The following MYBL2 variants were observed in gnomAD, a reference collection of about 807,000 sequenced individuals.
MYBL2 encodes the protein MYB proto-oncogene like 2.
In MYBL2, 28 loss-of-function variants were observed where a neutral mutation model predicts 79.9. The observed-to-expected ratio is 0.35, with a 90% confidence interval of 0.26 to 0.48. The LOEUF (loss-of-function observed/expected upper bound fraction) is 0.48. Among genes scored for constraint, MYBL2 ranks in the 20% least tolerant of loss-of-function variants. MYBL2 has a pLI of 0.99. For missense variants in MYBL2, 735 were observed against 893.9 expected, an observed-to-expected ratio of 0.82 and a Z score of 2.27; for synonymous variants, 378 against 361.2, an observed-to-expected ratio of 1.05 and a Z score of -0.53.
chr20:43,667,955 G>GGA (rs1384610261), intron 1 of MYBL2, among the ~76,000 whole-genome samples: 6 of 152,160 alleles, frequency 3.9e-5, no homozygotes, highest in African/African-American at 1.2e-4. Flanking sequence ...AAGGTGCGGG[G>GGA]GAGAGAGAGA....
chr20:43,677,357 G>A (rs1987036857), intron 2 of MYBL2, among the ~76,000 whole-genome samples: 1 of 152,230 alleles, frequency 6.6e-6, no homozygotes, highest in Non-Finnish European at 1.5e-5. Context: ...ATTGTAAGAT[G>A]AGTGGATGGC....
intron 6 of MYBL2, among the ~76,000 whole-genome samples, chr20:43,696,699 A>G (rs1987550609): frequency 6.6e-6 from 1 of 152,274 alleles, no homozygotes. Context: ...ATCATTGTTC[A>G]GTTTCTTTGT....
chr20:43,688,851 A>C (rs185922272), intron 5 of MYBL2, among the ~76,000 whole-genome samples: 329 of 151,906 alleles, frequency 2.2e-3, no homozygotes, highest in African/African-American at 7.6e-3. Context: ...GTGTAGTGGC[A>C]TGATCTCGGC....
intron 11 of MYBL2, among the ~76,000 whole-genome samples, chr20:43,712,361 G>C (rs1382687772): frequency 6.6e-6 from 1 of 152,188 alleles, no homozygotes; most frequent in African/African-American, 2.4e-5. Flanking sequence ...GCCCGAGCTG[G>C]CACCCCATGT....
At chr20:43,695,074 C>T (rs2145723346) in intron 6 of MYBL2, among the ~76,000 whole-genome samples, 1 of 148,978 alleles carries the variant, frequency 6.7e-6, no homozygotes, top group Non-Finnish European at 1.5e-5. Flanking sequence ...CTTGCTCTTG[C>T]CCAGGCTGGA....
intron 8 of MYBL2, among the ~76,000 whole-genome samples, chr20:43,704,176 G>T (rs1303779657): frequency 1.3e-5 from 2 of 152,026 alleles, no homozygotes; most frequent in African/African-American, 4.8e-5. Flanking sequence ...ACCATGCCCG[G>T]CTATTTTTTT....
At chr20:43,711,956 T>C (rs1987917408) in intron 11 of MYBL2, among the ~76,000 whole-genome samples, 1 of 152,120 alleles carries the variant, frequency 6.6e-6, no homozygotes, top group African/African-American at 2.4e-5. Flanking sequence ...AGACACACCA[T>C]GACTGAATTC....
At chr20:43,696,808 C>T (rs1464836819) in intron 6 of MYBL2, among the ~76,000 whole-genome samples, 1 of 152,296 alleles carries the variant, frequency 6.6e-6, no homozygotes, top group Non-Finnish European at 1.5e-5. Context: ...CTCACTGCAA[C>T]CTCCGCCTCC....
intron 8 of MYBL2, among the ~76,000 whole-genome samples, chr20:43,703,857 T>G (rs976806817): frequency 2.6e-5 from 4 of 152,144 alleles, no homozygotes; most frequent in African/African-American, 7.2e-5. Context: ...CAGTGTTGGT[T>G]TCTACTGAGG....
chr20:43,701,719 G>A lies in MYBL2; in HGVS notation c.952-771G>A, dbSNP rs570909458. ...CATCCCATTCACTGCTCTATATTTC[G>A]TTCTATAAAAATATCTGCAGGCTGG... On this transcript the variant is annotated intron_variant, in intron 7 of 13. Transcript: ENST00000217026. Among the ~76,000 whole-genome samples the A allele has an allele frequency of 5.3e-5, 8 of 152,126 alleles. No individual in the cohort carries two copies. In the East Asian group the frequency reaches 5.8e-4, roughly 11 times the overall value.
intron 1 of MYBL2, among the ~76,000 whole-genome samples, chr20:43,672,168 G>A (rs577881797): frequency 3.5e-3 from 34 of 9,724 alleles, no homozygotes; most frequent in African/African-American, 7.2e-3. Flanking sequence ...CTGAGATGTC[G>A]CCACTTCACT....
At chr20:43,674,632 G>A (rs1986962332) in intron 2 of MYBL2, among the ~76,000 whole-genome samples, 1 of 151,404 alleles carries the variant, frequency 6.6e-6, no homozygotes, top group Non-Finnish European at 1.5e-5. Flanking sequence ...CTGACCTCAT[G>A]ATCTGCCCGC....
intron 9 of MYBL2, among the ~76,000 whole-genome samples, chr20:43,708,584 A>G (rs747804482): frequency 1.4e-4 from 21 of 152,098 alleles, no homozygotes; most frequent in Non-Finnish European, 2.5e-4. Flanking sequence ...AAGCACCACC[A>G]TGGCTGGCTG....
At chr20:43,684,663 A>G (rs1987225089) in intron 4 of MYBL2, among the ~76,000 whole-genome samples, 1 of 151,320 alleles carries the variant, frequency 6.6e-6, no homozygotes, top group African/African-American at 2.4e-5. Flanking sequence ...GTCATGAGCC[A>G]TGGCTGGCAC....
chr20:43,677,601 C>G (rs1192527330), intron 2 of MYBL2, among the ~76,000 whole-genome samples: 1 of 152,218 alleles, frequency 6.6e-6, no homozygotes, highest in African/African-American at 2.4e-5. Context: ...AAATGGTTGA[C>G]GGAGATGGCC....
At chr20:43,678,529 C>T (rs958642947) in intron 2 of MYBL2, among the ~76,000 whole-genome samples, 1 of 151,960 alleles carries the variant, frequency 6.6e-6, no homozygotes, top group Non-Finnish European at 1.5e-5. Flanking sequence ...AGCCGGGCTT[C>T]AGGGGAGTTC....
Position 43,715,176 on chromosome 20 carries a change from G to A in MYBL2, c.1867G>A (p.Gly623Ser). The change falls in exon 13 of 14, where the codon GGT becomes AGT. Residue 623 changes from glycine to serine, a missense_variant. Around this residue, in one of 5 missense-constraint regions of MYBL2, gnomAD observed 204 missense variants for 202.9 expected, o/e 1.01. Coordinates refer to ENST00000217026, the MANE Select transcript of MYBL2 (RefSeq NM_002466.4). ...PSNSSSLTLS[G>S]IKEDNSLLNQ... ...AAACTCTTCCAGCCTCACCCTGTCA[G>A]GTATCAAAGAAGACAACAGCTTGCT... The A allele has an allele frequency of 6.2e-7, 1 of 1,614,212 alleles. No individual in the cohort carries two copies. Among genetic ancestry groups the A allele is most frequent in the Non-Finnish European group, 8.5e-7 (1 of 1,180,050 alleles).
chr20:43,685,497 A>C (rs1345122218), intron 4 of MYBL2, among the ~76,000 whole-genome samples: 1 of 152,018 alleles, frequency 6.6e-6, no homozygotes, highest in Non-Finnish European at 1.5e-5. Context: ...CTTGTCTCTT[A>C]AGAATAAAAT....
At chr20:43,693,920 C>T (rs1180502414) in intron 6 of MYBL2, among the ~76,000 whole-genome samples, 1 of 152,078 alleles carries the variant, frequency 6.6e-6, no homozygotes, top group Non-Finnish European at 1.5e-5. Flanking sequence ...TGATTTTGTG[C>T]ACCTGTAGTC....
Sources: gnomAD v4.1 joint callset for allele counts (sites outside exome capture counted in the v4.1 genomes callset) on GRCh38, gnomAD v4.1.1 for gene constraint, gnomAD v4.1.1 regional missense constraint, MANE v1.5 for transcripts, NCBI Gene and HGNC (gene_info 2026-07-23, HGNC 2026-07-21) for gene names.